The following MACO1 variants were observed in gnomAD, a reference collection of about 807,000 sequenced individuals.
MACO1 encodes macoilin.
Under a neutral mutation model 78.7 loss-of-function variants are expected in MACO1, and 14 were observed. The ratio of observed to expected loss-of-function variants is 0.18; its 90% CI spans 0.12 to 0.28. MACO1 has a LOEUF of 0.28. Among genes scored for constraint, MACO1 ranks in the 10% least tolerant of loss-of-function variants. MACO1 has a pLI of 1.00. For synonymous variants in MACO1, 288 were observed against 291.6 expected, an observed-to-expected ratio of 0.99 and a Z score of 0.12; for missense variants, 501 against 799.0, an observed-to-expected ratio of 0.63 and a Z score of 4.50.
intron 9 of MACO1, among the ~76,000 whole-genome samples, chr1:25,490,464 G>A (rs1014023274): frequency 2.0e-5 from 3 of 152,206 alleles, no homozygotes; most frequent in Non-Finnish European, 2.9e-5. Context: ...CAATCATGGT[G>A]AGGATGCAAC....
intron 9 of MACO1, among the ~76,000 whole-genome samples, chr1:25,489,598 C>T (rs2043466294): frequency 6.6e-6 from 1 of 151,838 alleles, no homozygotes; most frequent in African/African-American, 2.4e-5. Flanking sequence ...GATTAGTGTC[C>T]TTTGAAACTT....
intron 6 of MACO1, among the ~76,000 whole-genome samples, chr1:25,479,260 C>T (rs2043349282): frequency 6.6e-6 from 1 of 152,146 alleles, no homozygotes. Context: ...CTTCTTTGTA[C>T]TTCACACTAA....
At chr1:25,441,055 T>G (rs2042967613) in intron 1 of MACO1, among the ~76,000 whole-genome samples, 1 of 152,222 alleles carries the variant, frequency 6.6e-6, no homozygotes, top group Non-Finnish European at 1.5e-5. Flanking sequence ...ATCTTGGTTG[T>G]TGTTGCTTTG....
At chr1:25,468,995 A>G (rs1360434077) in intron 6 of MACO1, among the ~76,000 whole-genome samples, 1 of 151,992 alleles carries the variant, frequency 6.6e-6, no homozygotes, top group Non-Finnish European at 1.5e-5. Flanking sequence ...CAGTGCCACC[A>G]CATCTGGCTA....
chr1:25,471,081 G>A (rs2043264810), intron 6 of MACO1, among the ~76,000 whole-genome samples: 1 of 151,700 alleles, frequency 6.6e-6, no homozygotes, highest in African/African-American at 2.4e-5. Context: ...GCTCACACCT[G>A]TAATCCCAGC....
intron 1 of MACO1, among the ~76,000 whole-genome samples, chr1:25,431,505 A>G (rs909834): frequency 0.54 from 81,201 of 151,272 alleles, 22,213 homozygotes; most frequent in African/African-American, 0.6. Context: ...CATCCCGGCC[A>G]TGCCGCTGGG....
At chr1:25,444,256 C>T (rs1465362872) in intron 1 of MACO1, among the ~76,000 whole-genome samples, 1 of 150,570 alleles carries the variant, frequency 6.6e-6, no homozygotes, top group Non-Finnish European at 1.5e-5. Flanking sequence ...GAAACTCAGT[C>T]TTTAAATAAA....
chr1:25,484,674 T>C (rs1363046809), intron 7 of MACO1, among the ~76,000 whole-genome samples: 2 of 152,232 alleles, frequency 1.3e-5, no homozygotes, highest in East Asian at 3.8e-4. Flanking sequence ...CATTGAACTT[T>C]GATTTTATTT....
intron 1 of MACO1, among the ~76,000 whole-genome samples, chr1:25,439,002 C>T (rs1201430247): frequency 6.6e-6 from 1 of 151,900 alleles, no homozygotes; most frequent in Non-Finnish European, 1.5e-5. Flanking sequence ...ATAGAAAAAG[C>T]AAATTATATT....
intron 3 of MACO1, among the ~76,000 whole-genome samples, chr1:25,449,181 A>G (rs1041772229): frequency 2.0e-5 from 3 of 152,144 alleles, no homozygotes; most frequent in Admixed American, 6.6e-5. Flanking sequence ...CACTCTGAAT[A>G]TATCTTTTTA....
chr1:25,459,943 G>C (rs1249618914), intron 6 of MACO1, among the ~76,000 whole-genome samples: 1 of 152,056 alleles, frequency 6.6e-6, no homozygotes, highest in African/African-American at 2.4e-5. Context: ...TAACTCAAGA[G>C]GGCAATTGAA....
intron 1 of MACO1, among the ~76,000 whole-genome samples, chr1:25,438,206 G>A (rs1026366242): frequency 3.3e-5 from 5 of 152,144 alleles, no homozygotes; most frequent in Non-Finnish European, 7.3e-5. Context: ...GTTGAGGAAG[G>A]GGAGGGGTGA....
chr1:25,481,091 A>G (rs1470803818), intron 6 of MACO1, among the ~76,000 whole-genome samples: 1 of 151,556 alleles, frequency 6.6e-6, no homozygotes, highest in African/African-American at 2.4e-5. Context: ...AATTTCGCTC[A>G]GAATAAATAT....
intron 8 of MACO1, among the ~76,000 whole-genome samples, chr1:25,486,832 C>T: frequency 6.6e-6 from 1 of 152,150 alleles, no homozygotes; most frequent in East Asian, 1.9e-4. Context: ...ACTTACAAGG[C>T]CCTTGACTAG....
At chr1:25,484,012 C>G in intron 6 of MACO1, 104 bp from the exon 7 acceptor site, 1 of 1,230,464 alleles carries the variant, frequency 8.1e-7, no homozygotes, top group Non-Finnish European at 1.1e-6. Context: ...CAGCGGGGTC[C>G]TTTTTCTGCC....
At chr1:25,477,637 G>A (rs941029954) in intron 6 of MACO1, among the ~76,000 whole-genome samples, 2 of 152,170 alleles carry the variant, frequency 1.3e-5, no homozygotes, top group Non-Finnish European at 2.9e-5. Flanking sequence ...TCACCCCTAG[G>A]TGAAGTCTTG....
At chr1:25,458,341 A>G in intron 5 of MACO1, 50 bp from the exon 6 acceptor site, 1 of 1,529,746 alleles carries the variant, frequency 6.5e-7, no homozygotes, top group East Asian at 2.3e-5. Context: ...TAAACAACTA[A>G]ATATTCCGGT....
At chr1:25,452,764 T>C (rs1418926044) in intron 3 of MACO1, among the ~76,000 whole-genome samples, 1 of 150,670 alleles carries the variant, frequency 6.6e-6, no homozygotes, top group African/African-American at 2.5e-5. Context: ...TGGCGCAATC[T>C]CGGCTCACTG....
In MACO1 at chr1:25,456,578, G is replaced by A. The variant is rs2043123169; in HGVS notation, c.474-75G>A. On this transcript the variant is annotated intron_variant, in intron 4 of 10. Transcript: ENST00000374343. The stretch of plus-strand genomic sequence containing the variant: ...ATTTATTTTTAATTTTTAAGCCATA[G>A]GTATTCTCATGTGCTTGAGGCACAT... The A allele has an allele frequency of 6.2e-6, 9 of 1,441,638 alleles. No homozygotes were observed. The East Asian group carries it at 2.1e-4, about 34-fold the overall frequency. The allele number at this position is 1,441,638 out of a possible 1,614,324, so 89.3% of individuals were successfully genotyped here. A position where few individuals can be genotyped will look rare whatever the true frequency, so the allele number is the denominator to read the frequency against.
Sources: gnomAD v4.1 joint callset for allele counts (sites outside exome capture counted in the v4.1 genomes callset) on GRCh38, gnomAD v4.1.1 for gene constraint, MANE v1.5 for transcripts, NCBI Gene and HGNC (gene_info 2026-07-23, HGNC 2026-07-21) for gene names.